Variants in RNF13 observed in about 807,000 individuals in gnomAD.
The protein encoded by RNF13 is ring finger protein 13, also known as E3 ubiquitin-protein ligase RNF13.
A neutral mutation model predicts 37.7 loss-of-function variants in RNF13; 19 were observed. The observed-to-expected ratio is 0.50, with a 90% confidence interval of 0.35 to 0.74. RNF13 has a LOEUF of 0.74. Ranked by LOEUF, RNF13 falls within the 30% of genes least tolerant of loss-of-function variation. The probability of loss-of-function intolerance (pLI) is 0.01; values close to 1 mark genes in which losing one functional copy is unlikely to be tolerated. For synonymous variants in RNF13, 144 were observed against 157.8 expected (o/e 0.91, Z 0.65); for missense variants, 375 against 453.0 (o/e 0.83, Z 1.56).
chr3:149,885,581 A>T (rs1054235835), intron 4 of RNF13, among the ~76,000 whole-genome samples: 1 of 152,114 alleles, frequency 6.6e-6, no homozygotes, highest in Non-Finnish European at 1.5e-5. Flanking sequence ...TTGGATTATC[A>T]GACTTTTTTC....
At chr3:149,956,947 G>A (rs1721929158) in intron 8 of RNF13, among the ~76,000 whole-genome samples, 1 of 152,134 alleles carries the variant, frequency 6.6e-6, no homozygotes. Flanking sequence ...AACCAAAACT[G>A]TTTCCAGATA....
intron 4 of RNF13, among the ~76,000 whole-genome samples, chr3:149,889,286 AGTGTGC>A (rs1172854494): frequency 7.3e-4 from 33 of 45,338 alleles, no homozygotes. Flanking sequence ...TCTGAATTTG[AGTGTGC>A]GTGTGTGTGT....
At chr3:149,932,917 T>G (rs1321117255) in intron 8 of RNF13, among the ~76,000 whole-genome samples, 1 of 152,252 alleles carries the variant, frequency 6.6e-6, no homozygotes, top group Non-Finnish European at 1.5e-5. Flanking sequence ...CTAGCAGAGT[T>G]TCTGTGTGGG....
chr3:149,844,299 G>A (rs78903720), intron 1 of RNF13, among the ~76,000 whole-genome samples: 3,339 of 152,254 alleles, frequency 0.022, 54 homozygotes, highest in Non-Finnish European at 0.037. Context: ...AAGGCACATG[G>A]GGTAAAGTCC....
intron 8 of RNF13, among the ~76,000 whole-genome samples, chr3:149,921,947 C>T (rs1223814669): frequency 6.6e-6 from 1 of 152,102 alleles, no homozygotes; most frequent in Non-Finnish European, 1.5e-5. Context: ...TTCTCCACAT[C>T]CTCTCCAGCA....
chr3:149,868,913 AT>A (rs890262624), intron 3 of RNF13, among the ~76,000 whole-genome samples: 5 of 151,484 alleles, frequency 3.3e-5, no homozygotes, highest in Non-Finnish European at 7.4e-5. Context: ...GTTTTTTATT[AT>A]TTTTTTGAAT....
intron 1 of RNF13, among the ~76,000 whole-genome samples, chr3:149,830,686 C>A (rs1720938479): frequency 6.7e-6 from 1 of 149,532 alleles, no homozygotes; most frequent in African/African-American, 2.5e-5. Context: ...AACCCATTTT[C>A]TGAGGAGACA....
intron 1 of RNF13, among the ~76,000 whole-genome samples, chr3:149,836,064 T>G (rs1246377559): frequency 6.6e-6 from 1 of 152,208 alleles, no homozygotes; most frequent in Non-Finnish European, 1.5e-5. Flanking sequence ...TTTTTAAAAT[T>G]TTTTTGATAA....
intron 3 of RNF13, among the ~76,000 whole-genome samples, chr3:149,869,002 T>C (rs994838314): frequency 4.6e-5 from 7 of 151,830 alleles, no homozygotes; most frequent in African/African-American, 1.7e-4. Context: ...GAGGTAATTT[T>C]CTTTATCTTG....
chr3:149,845,539 C>T (rs1722562694), intron 1 of RNF13, among the ~76,000 whole-genome samples: 1 of 152,062 alleles, frequency 6.6e-6, no homozygotes, highest in Admixed American at 6.6e-5. Context: ...TTTTGGCATT[C>T]TCTGATGTTG....
At chr3:149,944,081 G>A (rs556747350) in intron 8 of RNF13, among the ~76,000 whole-genome samples, 13 of 152,048 alleles carry the variant, frequency 8.5e-5, no homozygotes, top group East Asian at 3.9e-4. Flanking sequence ...TTGTCCTTGC[G>A]ATAGTTTGCT....
rs552985779 is a variant in RNF13, at chr3:149,952,272, T to C, written c.701-7784T>C. The stretch of plus-strand genomic sequence containing the variant: ...TTTGTATGCACTATTTAGAAGGAAA[T>C]TTTATGTATGACTTCCTGTAGTCAC... On this transcript the variant is annotated intron_variant, in intron 8 of 9. Coordinates refer to ENST00000392894, the MANE Select transcript of RNF13 (RefSeq NM_183381.3). Among the ~76,000 whole-genome samples, 3 of 152,206 alleles carry C rather than the reference T, an allele frequency of 2.0e-5. No individual in the cohort carries two copies. The South Asian group carries it at 6.2e-4, about 32-fold the overall frequency.
chr3:149,871,982 A>T (rs1272613529), intron 3 of RNF13, 47 bp from the exon 4 acceptor site: 1 of 1,510,308 alleles, frequency 6.6e-7, no homozygotes, highest in Non-Finnish European at 8.9e-7. Context: ...AAGTTGATTG[A>T]TTTACTGAGT....
At chr3:149,818,246 A>G (rs1220743107) in intron 1 of RNF13, among the ~76,000 whole-genome samples, 2 of 152,216 alleles carry the variant, frequency 1.3e-5, no homozygotes, top group Non-Finnish European at 2.9e-5. Flanking sequence ...CCTTGCCTGC[A>G]TGGAGCTTAT....
At chr3:149,832,680 A>C (rs1341151430) in intron 1 of RNF13, among the ~76,000 whole-genome samples, 1 of 152,184 alleles carries the variant, frequency 6.6e-6, no homozygotes, top group Non-Finnish European at 1.5e-5. Flanking sequence ...ACTCAACTAA[A>C]ATCAGAAATG....
At chr3:149,947,899 C>T (rs954083278) in intron 8 of RNF13, among the ~76,000 whole-genome samples, 1 of 152,076 alleles carries the variant, frequency 6.6e-6, no homozygotes, top group Non-Finnish European at 1.5e-5. Flanking sequence ...TCTCCAGTTT[C>T]TCATTTGCAT....
At chr3:149,870,213 C>T (rs890023790) in intron 3 of RNF13, among the ~76,000 whole-genome samples, 4 of 151,654 alleles carry the variant, frequency 2.6e-5, no homozygotes, top group Admixed American at 6.6e-5. Flanking sequence ...AGATAGTGGG[C>T]AATCTGGTTC....
At position 149,905,001 on chromosome 3, in the gene RNF13, T is replaced by C. The variant is rs180922390; in HGVS notation, c.500+2839T>C. ...GTTCCAGTTTAATCAGCCAGTCCCC[T>C]GTTGATCAGCATTTGAATCGGTTAC... On this transcript the variant is annotated intron_variant, in intron 6 of 9. Coordinates refer to ENST00000392894, the MANE Select transcript of RNF13 (RefSeq NM_183381.3). 4.2e-4 allele frequency among the ~76,000 whole-genome samples: 64 copies of C among 152,306 alleles called. No homozygotes were observed. The East Asian group carries it at 0.01, about 25-fold the overall frequency.
chr3:149,942,733 G>C (rs1445380224), intron 8 of RNF13, among the ~76,000 whole-genome samples: 2 of 152,130 alleles, frequency 1.3e-5, no homozygotes, highest in Admixed American at 6.5e-5. Context: ...TCCTAGTACT[G>C]TGTTGAATAG....
Sources: gnomAD v4.1 joint callset for allele counts (sites outside exome capture counted in the v4.1 genomes callset) on GRCh38, gnomAD v4.1.1 for gene constraint, MANE v1.5 for transcripts, NCBI Gene and HGNC (gene_info 2026-07-23, HGNC 2026-07-21) for gene names.